COL13A1: variants seen among roughly 807,000 people sequenced by gnomAD.
The protein encoded by COL13A1 is collagen alpha-1(XIII) chain.
COL13A1 carries 89 observed loss-of-function variants against 130.9 expected under a neutral mutation model. The observed-to-expected ratio is 0.68, with a 90% confidence interval of 0.57 to 0.81. The LOEUF is 0.81. COL13A1 is among the 30% of genes least tolerant of loss of function. The pLI, the probability that COL13A1 is intolerant of heterozygous loss-of-function variation, is 0.00. For missense variants in COL13A1, 879 were observed against 934.6 expected (o/e 0.94, Z 0.78); for synonymous variants, 402 against 341.6 (o/e 1.18, Z -1.95).
chr10:69,813,290 A>G (rs961249381), intron 1 of COL13A1, among the ~76,000 whole-genome samples: 5 of 152,164 alleles, frequency 3.3e-5, no homozygotes, highest in Admixed American at 3.3e-4. Flanking sequence ...CCTCCCATGC[A>G]CACCATCAGT....
At chr10:69,857,546 G>A (rs1856777055) in intron 2 of COL13A1, among the ~76,000 whole-genome samples, 1 of 152,200 alleles carries the variant, frequency 6.6e-6, no homozygotes, top group African/African-American at 2.4e-5. Context: ...ACACTATTGT[G>A]AACTGTGCAT....
intron 34 of COL13A1, among the ~76,000 whole-genome samples, chr10:69,939,149 T>G (rs2067304537): frequency 6.6e-6 from 1 of 152,070 alleles, no homozygotes; most frequent in South Asian, 2.1e-4. Context: ...GAACAAGCAT[T>G]CATATGAGAC....
intron 2 of COL13A1, among the ~76,000 whole-genome samples, chr10:69,850,520 G>A: frequency 6.6e-6 from 1 of 150,590 alleles, no homozygotes. Flanking sequence ...GCCTTCCAGC[G>A]GCCTCCTGCG....
At chr10:69,860,364 A>C (rs561296902) in intron 2 of COL13A1, among the ~76,000 whole-genome samples, 95 of 152,216 alleles carry the variant, frequency 6.2e-4, no homozygotes, top group Non-Finnish European at 1.1e-3. Context: ...AGCGGGCATG[A>C]GGGAGACACA....
At chr10:69,923,083 A>G (rs1037510000) in intron 23 of COL13A1, among the ~76,000 whole-genome samples, 1 of 152,130 alleles carries the variant, frequency 6.6e-6, no homozygotes, top group Non-Finnish European at 1.5e-5. Context: ...TGGCTGCAGG[A>G]CCTTCATGGC....
chr10:69,806,606 G>C (rs1841653387), intron 1 of COL13A1, among the ~76,000 whole-genome samples: 2 of 152,304 alleles, frequency 1.3e-5, no homozygotes, highest in South Asian at 2.1e-4. Flanking sequence ...TATTTGATTT[G>C]CTTGCTGTGA....
chr10:69,815,780 A>G (rs570367457), intron 1 of COL13A1, among the ~76,000 whole-genome samples: 1 of 152,328 alleles, frequency 6.6e-6, no homozygotes, highest in African/African-American at 2.4e-5. Context: ...CTATGTGCCA[A>G]GCCCTGTTTT....
intron 40 of COL13A1, among the ~76,000 whole-genome samples, chr10:69,957,309 T>C (rs2136467993): frequency 6.6e-6 from 1 of 152,370 alleles, no homozygotes; most frequent in African/African-American, 2.4e-5. Context: ...GTGTTCAATG[T>C]ACATAGTGTC....
chr10:69,868,569 T>C (rs1055496527), intron 3 of COL13A1, among the ~76,000 whole-genome samples: 2 of 152,120 alleles, frequency 1.3e-5, no homozygotes, highest in African/African-American at 4.8e-5. Context: ...GAGCTGGAGA[T>C]AGGAATTGAA....
intron 2 of COL13A1, chr10:69,860,613 C>T: frequency 5.9e-6 from 1 of 168,120 alleles, no homozygotes. Context: ...GGCCTGGCGC[C>T]ATCTTCTGTC....
intron 31 of COL13A1, among the ~76,000 whole-genome samples, chr10:69,934,585 A>G (rs2066584100): frequency 1.3e-5 from 2 of 152,232 alleles, no homozygotes; most frequent in African/African-American, 4.8e-5. Context: ...GCAGCTCAGA[A>G]GGACCCAGCA....
chr10:69,878,553 C>G (rs1449081188), intron 6 of COL13A1, among the ~76,000 whole-genome samples: 2 of 152,064 alleles, frequency 1.3e-5, no homozygotes, highest in Admixed American at 6.6e-5. Context: ...GAGATCTCGG[C>G]TCACTGCAAC....
intron 2 of COL13A1, among the ~76,000 whole-genome samples, chr10:69,852,987 G>C (rs954699997): frequency 2.4e-4 from 37 of 151,948 alleles, no homozygotes; most frequent in Non-Finnish European, 4.7e-4. Context: ...CAAAGCCCTT[G>C]CCTGGGGCTG....
chr10:69,887,211 T>C (rs2060676147), intron 7 of COL13A1, among the ~76,000 whole-genome samples: 1 of 152,188 alleles, frequency 6.6e-6, no homozygotes, highest in South Asian at 2.1e-4. Flanking sequence ...TTCCCAGAAG[T>C]AGACCCAGAG....
intron 7 of COL13A1, among the ~76,000 whole-genome samples, chr10:69,883,628 G>A (rs2060343758): frequency 2.0e-5 from 3 of 152,176 alleles, no homozygotes; most frequent in Non-Finnish European, 2.9e-5. Flanking sequence ...GGGACAAGGA[G>A]GAGGAACCAG....
intron 2 of COL13A1, among the ~76,000 whole-genome samples, chr10:69,845,171 C>T (rs1023752885): frequency 1.7e-4 from 26 of 149,088 alleles, no homozygotes; most frequent in Admixed American, 1.6e-3. Flanking sequence ...CTTTTCTTTT[C>T]TCTTTTTCTT....
At chr10:69,887,976 G>A (rs914623899) in intron 8 of COL13A1, among the ~76,000 whole-genome samples, 1 of 152,140 alleles carries the variant, frequency 6.6e-6, no homozygotes, top group Non-Finnish European at 1.5e-5. Context: ...CTCAATGCAG[G>A]CCAGCCCCTG....
At chr10:69,907,966 G>A (rs1589439922) in intron 17 of COL13A1, among the ~76,000 whole-genome samples, 1 of 152,186 alleles carries the variant, frequency 6.6e-6, no homozygotes, top group Non-Finnish European at 1.5e-5. Context: ...GAGCTATGGG[G>A]GACACATTCA....
intron 17 of COL13A1, among the ~76,000 whole-genome samples, chr10:69,911,949 C>T (rs767770588): frequency 2.0e-5 from 3 of 152,256 alleles, no homozygotes; most frequent in Non-Finnish European, 2.9e-5. Context: ...GTAGCCCATG[C>T]GGTTCCCACT....
Sources: gnomAD v4.1 joint callset for allele counts (sites outside exome capture counted in the v4.1 genomes callset) on GRCh38, gnomAD v4.1.1 for gene constraint, MANE v1.5 for transcripts, NCBI Gene and HGNC (gene_info 2026-07-23, HGNC 2026-07-21) for gene names.